TCF20: variants seen among roughly 807,000 people sequenced by gnomAD.
The protein encoded by TCF20 is SPRE-binding protein.
TCF20 carries 3 observed loss-of-function variants against 148.6 expected under a neutral mutation model. The ratio of observed to expected loss-of-function variants is 0.02; its 90% CI spans 0.01 to 0.05. The LOEUF is 0.05. Ranked by LOEUF, TCF20 falls within the 10% of genes least tolerant of loss-of-function variation. The probability of loss-of-function intolerance (pLI) is 1.00; values close to 1 mark genes in which losing one functional copy is unlikely to be tolerated. For missense variants in TCF20, 2,350 were observed against 2,429.3 expected (o/e 0.97, Z 0.69); for synonymous variants, 1,049 against 909.5 (o/e 1.15, Z -2.76).
rs1569209661 is a variant in TCF20 at position 42,323,901 on chromosome 22, G to GGTGGTGGT, written c.-37+19577_-37+19578insACCACCAC. Among the ~76,000 whole-genome samples, 49 of 43,592 alleles carry GGTGGTGGT rather than the reference G, an allele frequency of 1.1e-3. 2 individuals are homozygous for GGTGGTGGT. Among genetic ancestry groups the GGTGGTGGT allele is most frequent in the East Asian group, 5.3e-3 (6 of 1,132 alleles). 28.6% of individuals were successfully genotyped at this position (43,592 alleles called of 152,430 possible). On this transcript the variant is annotated intron_variant, in intron 1 of 1. Transcript: ENST00000515426. ...TGGTGGTGATGGAGGTTATGGTGGT[G>GGTGGTGGT]GAGGTGGTGGTGGTGATGGAGGTTA...
intron 2 of TCF20, among the ~76,000 whole-genome samples, chr22:42,198,222 T>C (rs965165395): frequency 2.6e-5 from 4 of 152,238 alleles, no homozygotes; most frequent in Non-Finnish European, 5.9e-5. Context: ...GACTTGTATC[T>C]ACACTGTGAT....
rs977725095 is a variant in TCF20, at chr22:42,338,151, G to C, written c.-37+5328C>G. On this transcript the variant is annotated intron_variant, in intron 1 of 1. Coordinates refer to the TCF20 transcript ENST00000515426. This position sits in a 1 kb window ranked among gnomAD's most constrained non-coding sequence, Gnocchi z 4.0. ...ACAACTCCCGCCTCGGTCTCCACGC[G>C]TCCCCTGAGATCCCCCACCGCCCTG... Among the ~76,000 whole-genome samples, 1 of 152,126 alleles carries C rather than the reference G, an allele frequency of 6.6e-6. No individual in the cohort carries two copies. The highest frequency in any genetic ancestry group is 1.5e-5 in the Non-Finnish European group (1 of 68,030).
chr22:42,315,510 T>G (rs2147045288), intron 1 of TCF20, among the ~76,000 whole-genome samples: 1 of 152,294 alleles, frequency 6.6e-6, no homozygotes. Context: ...TCCACTCCCT[T>G]GCCTATTCAC....
chr22:42,234,760 G>A (rs1164748375), intron 1 of TCF20, among the ~76,000 whole-genome samples: 1 of 152,124 alleles, frequency 6.6e-6, no homozygotes, highest in African/African-American at 2.4e-5. Flanking sequence ...AAGTATCCAA[G>A]AAGAGCATCA....
rs1455258842 is a variant in TCF20 at position 42,317,136 on chromosome 22, T to C, written c.-37+26343A>G. ...CCTCCCCTGCAGACTGAGCGCTCTGTGTGCTTGGCCACGTCTGACTCACCC... is the reference window on the plus strand; with the variant it reads ...CCTCCCCTGCAGACTGAGCGCTCTGCGTGCTTGGCCACGTCTGACTCACCC... On this transcript the variant is annotated intron_variant, in intron 1 of 1. Coordinates refer to the TCF20 transcript ENST00000515426. This position sits in a 1 kb window ranked among gnomAD's most constrained non-coding sequence, Gnocchi z 4.2. Among the ~76,000 whole-genome samples, 9 of 152,168 alleles carry C rather than the reference T, an allele frequency of 5.9e-5. No homozygotes were observed. Among genetic ancestry groups the C allele is most frequent in the African/African-American group, 1.9e-4 (8 of 41,444 alleles).
At chr22:42,301,725 C>T (rs923772374) in intron 1 of TCF20, among the ~76,000 whole-genome samples, 2 of 152,222 alleles carry the variant, frequency 1.3e-5, no homozygotes, top group South Asian at 2.1e-4. Flanking sequence ...GACCTGGCTG[C>T]GTCCCTTGGC....
At chr22:42,165,917 G>C (rs1462280726) in intron 5 of TCF20, among the ~76,000 whole-genome samples, 1 of 152,180 alleles carries the variant, frequency 6.6e-6, no homozygotes, top group Non-Finnish European at 1.5e-5. Flanking sequence ...GGCGCACTAG[G>C]AGGCAGACAC....
chr22:42,260,367 G>T (rs1925963604), intron 1 of TCF20, among the ~76,000 whole-genome samples: 1 of 152,168 alleles, frequency 6.6e-6, no homozygotes, highest in Non-Finnish European at 1.5e-5. Flanking sequence ...TTTTAGGAAG[G>T]CAATTGACAT....
chr22:42,251,492 CTT>C (rs71184878), intron 1 of TCF20, among the ~76,000 whole-genome samples: 46 of 47,020 alleles, frequency 9.8e-4, no homozygotes, highest in African/African-American at 3.6e-3. Context: ...AAACAAGTGT[CTT>C]TTTTTTTTTT....
intron 1 of TCF20, among the ~76,000 whole-genome samples, chr22:42,259,265 A>AT (rs1491419018): frequency 6.6e-6 from 1 of 152,136 alleles, no homozygotes; most frequent in Non-Finnish European, 1.5e-5. Flanking sequence ...CAAGAATAAC[A>AT]TAACTCCCTG....
At chr22:42,262,287 A>C (rs566045084) in intron 1 of TCF20, among the ~76,000 whole-genome samples, 1 of 152,326 alleles carries the variant, frequency 6.6e-6, no homozygotes, top group South Asian at 2.1e-4. Flanking sequence ...AGAGGTAAAG[A>C]GGGTAGTGGC....
At chr22:42,265,842 T>C (rs752690675) in intron 1 of TCF20, among the ~76,000 whole-genome samples, 6 of 152,206 alleles carry the variant, frequency 3.9e-5, no homozygotes, top group Admixed American at 1.3e-4. Context: ...TTACGTATTA[T>C]GTTACTCTTT....
intron 1 of TCF20, among the ~76,000 whole-genome samples, chr22:42,315,430 CA>C (rs966862414): frequency 2.6e-5 from 4 of 152,132 alleles, no homozygotes; most frequent in East Asian, 3.9e-4. Context: ...GCCAGGCACA[CA>C]GGGTAAGAGA....
At chr22:42,306,135 G>A (rs577282700) in intron 1 of TCF20, among the ~76,000 whole-genome samples, 1 of 152,358 alleles carries the variant, frequency 6.6e-6, no homozygotes, top group South Asian at 2.1e-4. Context: ...CGCCACCCCC[G>A]CCTCAAGCTG....
chr22:42,231,742 A>C (rs955619737), intron 1 of TCF20, among the ~76,000 whole-genome samples: 2 of 152,082 alleles, frequency 1.3e-5, no homozygotes, highest in African/African-American at 2.4e-5. Context: ...ATCCTGGCTA[A>C]TACGGTGAAA....
At chr22:42,260,517 A>T (rs1317320406) in intron 1 of TCF20, among the ~76,000 whole-genome samples, 1 of 152,194 alleles carries the variant, frequency 6.6e-6, no homozygotes, top group East Asian at 1.9e-4. Context: ...TTGAGATGAG[A>T]GGGAACAAAT....
chr22:42,260,438 G>T (rs1428241436), intron 1 of TCF20, among the ~76,000 whole-genome samples: 2 of 152,084 alleles, frequency 1.3e-5, no homozygotes, highest in Non-Finnish European at 2.9e-5. Context: ...TGGTTTGGGA[G>T]GAAGGCAAAA....
intron 1 of TCF20, among the ~76,000 whole-genome samples, chr22:42,296,815 G>A (rs941189055): frequency 8.5e-5 from 13 of 152,338 alleles, no homozygotes; most frequent in South Asian, 4.1e-4. Flanking sequence ...AGGCCCCGTC[G>A]CCATTTATTC....
intron 1 of TCF20, among the ~76,000 whole-genome samples, chr22:42,230,302 A>G (rs1342635003): frequency 6.6e-6 from 1 of 152,238 alleles, no homozygotes; most frequent in Non-Finnish European, 1.5e-5. Context: ...AGCTGTCATA[A>G]TGCAACATAT....
Sources: allele counts gnomAD v4.1 joint callset (sites outside exome capture counted in the v4.1 genomes callset), GRCh38; gene constraint gnomAD v4.1.1; non-coding constraint Gnocchi (gnomAD v3.1); transcripts MANE v1.5; gene names NCBI Gene and HGNC (gene_info 2026-07-23, HGNC 2026-07-21).